Variants in ST6GAL1 observed in about 807,000 individuals in gnomAD.
ST6GAL1 encodes ST6 beta-galactoside alpha-2,6-sialyltransferase 1.
Under a neutral mutation model 38.0 loss-of-function variants are expected in ST6GAL1, and 20 were observed. The ratio of observed to expected loss-of-function variants is 0.53; its 90% CI spans 0.37 to 0.77. The LOEUF is 0.77. Ranked by LOEUF, ST6GAL1 falls within the 30% of genes least tolerant of loss-of-function variation. ST6GAL1 has a pLI of 0.00. For synonymous variants in ST6GAL1, 196 were observed against 188.2 expected, an observed-to-expected ratio of 1.04 and a Z score of -0.34; for missense variants, 432 against 496.4, an observed-to-expected ratio of 0.87 and a Z score of 1.23.
intron 2 of ST6GAL1, among the ~76,000 whole-genome samples, chr3:187,017,767 C>A (rs1208347312): frequency 6.6e-6 from 1 of 152,188 alleles, no homozygotes; most frequent in African/African-American, 2.4e-5. Context: ...AACACGAAAA[C>A]CACGACGGAC....
intron 1 of ST6GAL1, among the ~76,000 whole-genome samples, chr3:186,943,043 A>G (rs531458575): frequency 2.4e-4 from 36 of 152,182 alleles, no homozygotes; most frequent in Non-Finnish European, 4.9e-4. Flanking sequence ...AATAATCCCC[A>G]TAGTCTGTTG....
rs553971551 is a variant in ST6GAL1, at chr3:187,052,783, C to T, written c.705+1437C>T. Reference sequence around the variant, plus strand: ...ACGTGTGCATGTGTCTTTATAGCAGCATGATTTATAATCCTTTGGGTATAT... The same window carrying T: ...ACGTGTGCATGTGTCTTTATAGCAGTATGATTTATAATCCTTTGGGTATAT... On this transcript the variant is annotated intron_variant, in intron 5 of 7. Transcript: ENST00000169298. Among the ~76,000 whole-genome samples, 257 of 152,282 alleles carry T rather than the reference C, an allele frequency of 1.7e-3. 1 individual carries two copies. Among genetic ancestry groups the T allele is most frequent in the Non-Finnish European group, 2.7e-3 (185 of 68,028 alleles).
At chr3:187,044,985 A>T (rs576572935) in intron 4 of ST6GAL1, among the ~76,000 whole-genome samples, 9 of 152,286 alleles carry the variant, frequency 5.9e-5, no homozygotes, top group African/African-American at 2.2e-4. Context: ...TAAGACATTC[A>T]TATATTCTTT....
At chr3:187,021,468 A>G (rs569164210) in intron 2 of ST6GAL1, among the ~76,000 whole-genome samples, 1 of 150,788 alleles carries the variant, frequency 6.6e-6, no homozygotes, top group South Asian at 2.2e-4. Context: ...GGCCAGGCAT[A>G]GTGGTTCATG....
chr3:186,936,717 G>T (rs1012480799), intron 1 of ST6GAL1, among the ~76,000 whole-genome samples: 1 of 152,106 alleles, frequency 6.6e-6, no homozygotes, highest in African/African-American at 2.4e-5. Context: ...GAAGCAGCTG[G>T]ATCACCTGAG....
At chr3:187,020,933 G>C (rs575368492) in intron 2 of ST6GAL1, among the ~76,000 whole-genome samples, 1 of 151,934 alleles carries the variant, frequency 6.6e-6, no homozygotes, top group South Asian at 2.1e-4. Context: ...GTGGGGGAGG[G>C]TGCGGTGTTA....
chr3:187,028,424 A>C (rs1717620810), intron 2 of ST6GAL1, among the ~76,000 whole-genome samples: 1 of 152,218 alleles, frequency 6.6e-6, no homozygotes, highest in South Asian at 2.1e-4. Flanking sequence ...GTCTTGTTAC[A>C]TAGCTTAATT....
At chr3:187,069,097 G>A (rs1168811195) in intron 5 of ST6GAL1, among the ~76,000 whole-genome samples, 2 of 151,988 alleles carry the variant, frequency 1.3e-5, no homozygotes, top group Admixed American at 1.3e-4. Context: ...CTGTCAGCCA[G>A]GGAACTCCTG....
At chr3:187,054,789 G>T (rs1718634886) in intron 5 of ST6GAL1, among the ~76,000 whole-genome samples, 2 of 152,162 alleles carry the variant, frequency 1.3e-5, no homozygotes, top group African/African-American at 4.8e-5. Context: ...CTAGACTTTG[G>T]TATCAGGATG....
intron 2 of ST6GAL1, among the ~76,000 whole-genome samples, chr3:186,993,581 TTTATTTATTTATTTATTTATTTA>T (rs1560154700): frequency 6.8e-6 from 1 of 147,736 alleles, no homozygotes; most frequent in Non-Finnish European, 1.5e-5. Context: ...TATTTATTTA[TTTATTTATTTATTTATTTATTTA>T]TATGTTTTAG....
chr3:186,958,969 TAAA>T (rs1356949773), intron 1 of ST6GAL1, among the ~76,000 whole-genome samples: 1 of 72,380 alleles, frequency 1.4e-5, no homozygotes, highest in Non-Finnish European at 2.5e-5. Flanking sequence ...AAAAAAAAAT[TAAA>T]TAAATAAATA....
intron 5 of ST6GAL1, among the ~76,000 whole-genome samples, chr3:187,061,341 A>G (rs1004582461): frequency 1.3e-5 from 2 of 152,194 alleles, no homozygotes; most frequent in Admixed American, 1.3e-4. Flanking sequence ...TGAAAATCCA[A>G]AAGATATTTC....
intron 2 of ST6GAL1, among the ~76,000 whole-genome samples, chr3:187,005,817 A>G (rs1716767785): frequency 1.3e-5 from 2 of 152,200 alleles, no homozygotes; most frequent in Admixed American, 1.3e-4. Context: ...TCAACCAGAA[A>G]GTGCTACTAG....
At chr3:187,043,388 G>T (rs887013945) in intron 4 of ST6GAL1, 78 bp downstream of exon 4, 6 of 1,540,096 alleles carry the variant, frequency 3.9e-6, no homozygotes, top group African/African-American at 2.7e-5. Context: ...GGAGACAAGT[G>T]GCCCAAGTGT....
chr3:186,942,670 T>C (rs77333294), intron 1 of ST6GAL1, among the ~76,000 whole-genome samples: 1,726 of 152,316 alleles, frequency 0.011, 34 homozygotes, highest in African/African-American at 0.039. Flanking sequence ...GAAGGAAACG[T>C]GGCAAAATTT....
intron 5 of ST6GAL1, chr3:187,064,459 G>T (rs1224102785): frequency 2.2e-6 from 1 of 454,738 alleles, no homozygotes. Flanking sequence ...GGGAGGAAGA[G>T]TGTGCTCAGA....
intron 2 of ST6GAL1, among the ~76,000 whole-genome samples, chr3:187,005,127 G>A (rs1716739165): frequency 6.6e-6 from 1 of 151,906 alleles, no homozygotes; most frequent in Non-Finnish European, 1.5e-5. Flanking sequence ...GAAATGATGA[G>A]TTCAGGATTT....
At chr3:186,970,465 C>T (rs894440021) in intron 2 of ST6GAL1, among the ~76,000 whole-genome samples, 8 of 151,726 alleles carry the variant, frequency 5.3e-5, no homozygotes, top group African/African-American at 1.7e-4. Context: ...TCTCATGCTC[C>T]GCCTGCCTCA....
At chr3:187,045,238 G>A (rs1313402869) in intron 4 of ST6GAL1, among the ~76,000 whole-genome samples, 1 of 151,708 alleles carries the variant, frequency 6.6e-6, no homozygotes, top group Non-Finnish European at 1.5e-5. Context: ...ATTCAACAGG[G>A]AAATATCCTC....
Sources: allele counts gnomAD v4.1 joint callset (sites outside exome capture counted in the v4.1 genomes callset), GRCh38; gene constraint gnomAD v4.1.1; transcripts MANE v1.5; gene names NCBI Gene and HGNC (gene_info 2026-07-23, HGNC 2026-07-21).